TANGO6: variants seen among roughly 807,000 people sequenced by gnomAD.
TANGO6 encodes transport and Golgi organization protein 6 homolog.
A neutral mutation model predicts 114.2 loss-of-function variants in TANGO6; 90 were observed. The observed-to-expected ratio is 0.79, with a 90% CI of 0.66 to 0.94. TANGO6 has a LOEUF of 0.94. Among genes scored for constraint, TANGO6 ranks in the 40% least tolerant of loss-of-function variants. TANGO6 has a pLI of 0.00. For missense variants in TANGO6, 1,274 were observed against 1,315.3 expected, an observed-to-expected ratio of 0.97 and a Z score of 0.49; for synonymous variants, 477 against 509.8, an observed-to-expected ratio of 0.94 and a Z score of 0.87.
chr16:68,881,034 T>C (rs1480129141), intron 7 of TANGO6, among the ~76,000 whole-genome samples: 2 of 152,054 alleles, frequency 1.3e-5, no homozygotes, highest in Admixed American at 6.6e-5. Context: ...AGCTATCCTC[T>C]TGCCTCTGCC....
intron 17 of TANGO6, among the ~76,000 whole-genome samples, chr16:69,060,829 T>C (rs1960103443): frequency 6.6e-6 from 1 of 151,164 alleles, no homozygotes; most frequent in South Asian, 2.1e-4. Context: ...CCATCTCTAC[T>C]AAAAATACAA....
intron 17 of TANGO6, among the ~76,000 whole-genome samples, chr16:69,047,531 G>T (rs558599799): frequency 6.6e-6 from 1 of 151,902 alleles, no homozygotes; most frequent in South Asian, 2.1e-4. Context: ...AGGCTCTCAG[G>T]ACCCTAATCT....
At chr16:69,017,238 A>G (rs1249625261) in intron 15 of TANGO6, among the ~76,000 whole-genome samples, 1 of 151,930 alleles carries the variant, frequency 6.6e-6, no homozygotes, top group Admixed American at 6.6e-5. Context: ...CTTGGTCAGT[A>G]TTTTTCCTCT....
chr16:68,982,029 T>A (rs1963840928), intron 15 of TANGO6, among the ~76,000 whole-genome samples: 1 of 152,152 alleles, frequency 6.6e-6, no homozygotes, highest in Admixed American at 6.5e-5. Context: ...GAGGGGATTA[T>A]TATGGCATGT....
At chr16:68,864,373 AGGCCAACGT>A (rs1962145630) in intron 3 of TANGO6, among the ~76,000 whole-genome samples, 1 of 152,044 alleles carries the variant, frequency 6.6e-6, no homozygotes. Context: ...CAGGAGTTTG[AGGCCAACGT>A]GGGCAACATA....
chr16:69,000,197 A>G (rs1024103729), intron 15 of TANGO6, among the ~76,000 whole-genome samples: 2 of 152,246 alleles, frequency 1.3e-5, no homozygotes, highest in African/African-American at 4.8e-5. Context: ...ACATTTATAC[A>G]AATACAGCCC....
chr16:68,845,032 A>G (rs1484166818), intron 1 of TANGO6, among the ~76,000 whole-genome samples: 2 of 150,640 alleles, frequency 1.3e-5, no homozygotes, highest in Non-Finnish European at 2.9e-5. Flanking sequence ...CAGTGGCACA[A>G]TCTCGGCTCA....
At chr16:68,988,150 C>A (rs954392588) in intron 15 of TANGO6, among the ~76,000 whole-genome samples, 2 of 152,160 alleles carry the variant, frequency 1.3e-5, no homozygotes, top group African/African-American at 4.8e-5. Flanking sequence ...CCTCCACTTT[C>A]TCCCTCCCCA....
chr16:68,940,795 C>T (rs1177884698), intron 14 of TANGO6, among the ~76,000 whole-genome samples: 1 of 152,124 alleles, frequency 6.6e-6, no homozygotes, highest in Non-Finnish European at 1.5e-5. Flanking sequence ...AAACAGTGTA[C>T]AGAGTTATAT....
intron 7 of TANGO6, among the ~76,000 whole-genome samples, chr16:68,891,450 G>C (rs1029042984): frequency 6.6e-6 from 1 of 152,020 alleles, no homozygotes; most frequent in Non-Finnish European, 1.5e-5. Flanking sequence ...ACAGAGCAAG[G>C]CTCCCTCTCA....
At chr16:69,014,341 T>A (rs118171435) in intron 15 of TANGO6, among the ~76,000 whole-genome samples, 8,182 of 151,802 alleles carry the variant, frequency 0.054, 293 homozygotes, top group Non-Finnish European at 0.075. Flanking sequence ...CAAAAAGTTT[T>A]CTGAGAGTCT....
intron 15 of TANGO6, among the ~76,000 whole-genome samples, chr16:69,021,907 A>G (rs139478886): frequency 0.011 from 1,583 of 144,352 alleles, 10 homozygotes; most frequent in Non-Finnish European, 0.019. Context: ...TTTTTTTAAG[A>G]CAGAATCTCA....
intron 7 of TANGO6, among the ~76,000 whole-genome samples, chr16:68,888,891 C>T (rs938143656): frequency 2.6e-5 from 4 of 152,198 alleles, no homozygotes; most frequent in Non-Finnish European, 5.9e-5. Context: ...CAGCTTATTG[C>T]AGCCTCTGCC....
At chr16:68,980,401 C>CTCTCTCTCTCTCTCTCTCTG (rs1567552522) in intron 15 of TANGO6, among the ~76,000 whole-genome samples, 1 of 67,450 alleles carries the variant, frequency 1.5e-5, no homozygotes, top group Non-Finnish European at 3.1e-5. Context: ...CTCTCTCTCT[C>CTCTCTCTCTCTCTCTCTCTG]TCTCTCTCTA....
intron 4 of TANGO6, among the ~76,000 whole-genome samples, chr16:68,868,607 T>C (rs963657297): frequency 6.6e-6 from 1 of 151,042 alleles, no homozygotes; most frequent in Admixed American, 6.6e-5. Flanking sequence ...ACTCCATTCT[T>C]CTGCCTCAGC....
At chr16:69,067,006 C>G (rs1368909881) in intron 17 of TANGO6, among the ~76,000 whole-genome samples, 1 of 152,116 alleles carries the variant, frequency 6.6e-6, no homozygotes, top group African/African-American at 2.4e-5. Flanking sequence ...AAGTGATCTT[C>G]CCTCCTCAGC....
intron 12 of TANGO6, among the ~76,000 whole-genome samples, chr16:68,923,271 T>G (rs1405632156): frequency 6.6e-6 from 1 of 152,006 alleles, no homozygotes; most frequent in African/African-American, 2.4e-5. Context: ...TTAGGTCATG[T>G]TTTTGATCAA....
intron 7 of TANGO6, among the ~76,000 whole-genome samples, chr16:68,894,570 C>T (rs1203783691): frequency 6.6e-6 from 1 of 152,004 alleles, no homozygotes; most frequent in Non-Finnish European, 1.5e-5. Flanking sequence ...TATTAAAAGC[C>T]TGACATGCTG....
At chr16:68,866,975 CTTTTTTT>C (rs536677611) in intron 3 of TANGO6, 97 bp from the exon 4 acceptor site, 97 of 227,384 alleles carry the variant, frequency 4.3e-4, no homozygotes, top group South Asian at 6.4e-4. Flanking sequence ...GCTATTTCTC[CTTTTTTT>C]TTTTTTTTTT....
Sources: allele counts gnomAD v4.1 joint callset (sites outside exome capture counted in the v4.1 genomes callset), GRCh38; gene constraint gnomAD v4.1.1; transcripts MANE v1.5; gene names NCBI Gene and HGNC (gene_info 2026-07-23, HGNC 2026-07-21).